PSMG4: variants seen among roughly 807,000 people sequenced by gnomAD.
The protein encoded by PSMG4 is proteasome (prosome, macropain) assembly chaperone 4.
PSMG4 carries 10 observed loss-of-function variants against 11.0 expected under a neutral mutation model. The ratio of observed to expected loss-of-function variants is 0.91; its 90% CI spans 0.56 to 1.54. The LOEUF (loss-of-function observed/expected upper bound fraction) is 1.54, where lower values mean the gene tolerates loss of function less well. Among genes scored for constraint, PSMG4 ranks in the 40% most tolerant of loss-of-function variants. The pLI, the probability that PSMG4 is intolerant of heterozygous loss-of-function variation, is 0.00. For missense variants in PSMG4, 198 were observed against 160.9 expected (o/e 1.23, Z -1.25); for synonymous variants, 95 against 71.3 (o/e 1.33, Z -1.68).
chr6:3,258,715 TC>T (rs151088334), upstream of PSMG4, among the ~76,000 whole-genome samples: 1,422 of 152,040 alleles, frequency 9.4e-3, 24 homozygotes, highest in African/African-American at 0.033. Context: ...CTCCTAGAGG[TC>T]ACTGTCGCAC....
intron 1 of PSMG4, among the ~76,000 whole-genome samples, chr6:3,259,782 C>T (rs1414099254): frequency 1.3e-5 from 2 of 152,212 alleles, no homozygotes; most frequent in Non-Finnish European, 1.5e-5. Context: ...CCAAGCCGCC[C>T]TCACCTTCAC....
At chr6:3,264,285 C>G (rs961211292) in intron 2 of PSMG4, 4 of 1,551,392 alleles carry the variant, frequency 2.6e-6, no homozygotes, top group Non-Finnish European at 3.5e-6. Flanking sequence ...AGGCTGAATG[C>G]TCCACTCTTC....
intron 2 of PSMG4, chr6:3,265,574 C>T (rs756306270): frequency 6.6e-6 from 1 of 152,174 alleles, no homozygotes; most frequent in East Asian, 1.9e-4. Context: ...ATGTTCCTGC[C>T]CCTGGGATAT....
At chr6:3,256,319 C>A (rs1024830108), upstream of PSMG4, among the ~76,000 whole-genome samples, 1 of 152,230 alleles carries the variant, frequency 6.6e-6, no homozygotes. Context: ...AGGGAAATGA[C>A]CCCTGATGGG....
upstream of PSMG4, chr6:3,255,002 TC>T (rs748443919): frequency 1.2e-5 from 19 of 1,539,446 alleles, no homozygotes; most frequent in South Asian, 2.1e-4. Flanking sequence ...CCTAGCGCAC[TC>T]CCATGTGGGA....
upstream of PSMG4, chr6:3,254,946 C>T (rs1757698864): frequency 1.0e-5 from 13 of 1,279,070 alleles, no homozygotes; most frequent in South Asian, 1.8e-4. Context: ...TGGGTGTCAG[C>T]TGTTGGGTGT....
chr6:3,255,126 C>A (rs1052535332), upstream of PSMG4: 8 of 1,550,968 alleles, frequency 5.2e-6, no homozygotes, highest in Non-Finnish European at 7.0e-6. Context: ...CAGCTTACCA[C>A]GTATTGGTCA....
chr6:3,254,943 C>A, upstream of PSMG4: 2 of 1,257,830 alleles, frequency 1.6e-6, no homozygotes, highest in South Asian at 1.5e-5. Flanking sequence ...CACTGGGTGT[C>A]AGCTGTTGGG....
chr6:3,261,929 A>G (rs1489368255), intron 1 of PSMG4, among the ~76,000 whole-genome samples: 1 of 152,240 alleles, frequency 6.6e-6, no homozygotes, highest in East Asian at 1.9e-4. Context: ...GAATTTTGCC[A>G]GCCCACACGT....
At chr6:3,254,581 C>T (rs558292746), upstream of PSMG4, among the ~76,000 whole-genome samples, 8 of 151,924 alleles carry the variant, frequency 5.3e-5, no homozygotes, top group Non-Finnish European at 8.8e-5. Flanking sequence ...GCTGGGAACC[C>T]AACGATGGAA....
rs1757947083 is a variant in PSMG4, at chr6:3,260,429, C to T, written c.174+1233C>T. Among the ~76,000 whole-genome samples the T allele has an allele frequency of 3.3e-5, 5 of 151,600 alleles. No homozygotes were observed. In the South Asian group the frequency reaches 1.0e-3, roughly 32 times the overall value. ...TCACCCTCCTGAGTAGCTGGGATTA[C>T]AGGTGTGAGCCATCACGCCGGGCTA... On this transcript the variant is annotated intron_variant, in intron 1 of 2. Transcript: ENST00000438998.
At chr6:3,255,295 C>A (rs577148138), upstream of PSMG4, 96 of 1,525,644 alleles carry the variant, frequency 6.3e-5, no homozygotes, top group African/African-American at 1.3e-3. Context: ...CGGTGCCCAT[C>A]CTGGGAGAGT....
intron 2 of PSMG4, chr6:3,264,254 G>A (rs1371753802): frequency 2.4e-5 from 37 of 1,551,016 alleles, no homozygotes; most frequent in East Asian, 4.9e-5. Flanking sequence ...GGCGTAGAGT[G>A]GGGATTAAGC....
At chr6:3,266,215 G>T (rs4998910) in intron 2 of PSMG4, 126,173 of 151,894 alleles carry the variant, frequency 0.83, 52,675 homozygotes, top group Non-Finnish European at 0.87. Flanking sequence ...CTGGGCCTGC[G>T]CCTGCACCTG....
upstream of PSMG4, chr6:3,255,204 T>G (rs760699799): frequency 6.5e-7 from 1 of 1,550,378 alleles, no homozygotes; most frequent in South Asian, 1.2e-5. Context: ...GGATGTTTGG[T>G]GGCAGCAGGA....
chr6:3,264,448 C>T, intron 2 of PSMG4: 2 of 1,436,994 alleles, frequency 1.4e-6, no homozygotes, highest in Non-Finnish European at 1.8e-6. Flanking sequence ...GCTCTGGAGT[C>T]TTCTCTGTGT....
upstream of PSMG4, chr6:3,255,030 GCTTT>G (rs1235098605): frequency 2.5e-5 from 39 of 1,549,314 alleles, no homozygotes; most frequent in Non-Finnish European, 2.8e-5. Flanking sequence ...GGATAATGGC[GCTTT>G]CTGATTCTCT....
intron 2 of PSMG4, chr6:3,264,439 C>T (rs1758109951): frequency 9.7e-6 from 14 of 1,446,250 alleles, no homozygotes; most frequent in Non-Finnish European, 1.3e-5. Context: ...GCTGCTTCTG[C>T]TCTGGAGTCT....
At chr6:3,263,927 C>T (rs780324089) in intron 2 of PSMG4, 168 bp downstream of exon 2, 37 of 1,415,666 alleles carry the variant, frequency 2.6e-5, no homozygotes, top group Admixed American at 8.4e-5. Context: ...TTAAGGGGCA[C>T]ATTCCATGCT....
Sources: gnomAD v4.1 joint callset for allele counts (sites outside exome capture counted in the v4.1 genomes callset) on GRCh38, gnomAD v4.1.1 for gene constraint, MANE v1.5 for transcripts, NCBI Gene and HGNC (gene_info 2026-07-23, HGNC 2026-07-21) for gene names.